Variants in GHRHR observed in about 807,000 individuals in gnomAD.
The protein encoded by GHRHR is growth hormone-releasing hormone receptor.
A neutral mutation model predicts 58.3 loss-of-function variants in GHRHR; 40 were observed. The ratio of observed to expected loss-of-function variants is 0.69; its 90% CI spans 0.53 to 0.89. The LOEUF (loss-of-function observed/expected upper bound fraction) is 0.89. GHRHR is among the 40% of genes least tolerant of loss of function. The probability of loss-of-function intolerance (pLI) is 0.00; values close to 1 mark genes in which losing one functional copy is unlikely to be tolerated. For missense variants in GHRHR, 551 were observed against 541.3 expected, an observed-to-expected ratio of 1.02 and a Z score of -0.18; for synonymous variants, 249 against 216.6, an observed-to-expected ratio of 1.15 and a Z score of -1.31.
At position 30,975,883 on chromosome 7, in the gene GHRHR, T is replaced by G. The variant is rs1792566990; in HGVS notation, c.974+15T>G. On this transcript the variant is annotated intron_variant, in intron 10 of 12. Transcript: ENST00000326139. ...TCTCAGTATTGGTACTGTGTGTTTGTGTCTGGGGATACTGGGAAAGGGTAA... is the reference window on the plus strand; with the variant it reads ...TCTCAGTATTGGTACTGTGTGTTTGGGTCTGGGGATACTGGGAAAGGGTAA... 11 of 1,442,652 alleles carry G rather than the reference T, an allele frequency of 7.6e-6. No homozygotes were observed. In the East Asian group the frequency reaches 2.5e-4, roughly 33 times the overall value. The allele number at this position is 1,442,652 out of a possible 1,614,324, so 89.4% of individuals were successfully genotyped here.
intron 4 of GHRHR, 141 bp from the exon 5 acceptor site, chr7:30,970,978 C>A: frequency 1.4e-6 from 1 of 697,510 alleles, no homozygotes; most frequent in Non-Finnish European, 2.6e-6. Flanking sequence ...GGGAGCTTTC[C>A]ATGGTACTCG....
intron 5 of GHRHR, among the ~76,000 whole-genome samples, chr7:30,971,510 T>C (rs1043327285): frequency 6.6e-6 from 1 of 152,120 alleles, no homozygotes; most frequent in African/African-American, 2.4e-5. Context: ...CATCTGACAG[T>C]CCTCTGCCTC....
At chr7:30,969,261 G>T in intron 3 of GHRHR, 91 bp downstream of exon 3, 1 of 889,596 alleles carries the variant, frequency 1.1e-6, no homozygotes, top group South Asian at 1.4e-5. Context: ...AGGCTAACCT[G>T]GGTTTGTATA....
Position 30,966,566 on chromosome 7 carries a change from G to A in GHRHR, c.58-2268G>A, listed in dbSNP as rs141594471. ...CTAAAAAATGCTCCCTTGTCCCCAG[G>A]TCCAGCTCAAATGCCACCTCCCCAA... On this transcript the variant is annotated intron_variant, in intron 1 of 12. Transcript: ENST00000326139. 4.9e-3 allele frequency among the ~76,000 whole-genome samples: 738 copies of A among 152,020 alleles called. 4 individuals are homozygous for A. The highest frequency in any genetic ancestry group is 0.016 in the African/African-American group (681 of 41,426).
intron 11 of GHRHR, 48 bp downstream of exon 11, chr7:30,976,606 G>A: frequency 6.3e-7 from 1 of 1,584,872 alleles, no homozygotes; most frequent in Non-Finnish European, 8.6e-7. Flanking sequence ...GGTGCTGGAG[G>A]GAGGTGCTGT....
At chr7:30,968,420 A>G (rs1364327547) in intron 1 of GHRHR, among the ~76,000 whole-genome samples, 2 of 152,096 alleles carry the variant, frequency 1.3e-5, no homozygotes, top group South Asian at 4.2e-4. Flanking sequence ...ACTTACTTAC[A>G]TGAGACAGAA....
At chr7:30,975,738 T>G in intron 9 of GHRHR, 39 bp from the exon 10 acceptor site, 1 of 1,234,372 alleles carries the variant, frequency 8.1e-7, no homozygotes, top group Non-Finnish European at 1.2e-6. Context: ...GGCTACCCCC[T>G]GACCCTTGTC....
chr7:30,966,419 G>A (rs1231831467), intron 1 of GHRHR, among the ~76,000 whole-genome samples: 1 of 152,056 alleles, frequency 6.6e-6, no homozygotes, highest in Non-Finnish European at 1.5e-5. Context: ...GGGGGCCATG[G>A]GGAGAGAAAC....
At position 30,976,225 on chromosome 7, in the gene GHRHR, G is replaced by T. The variant is rs36115000; in HGVS notation, c.975-204G>T. Among the ~76,000 whole-genome samples the T allele has an allele frequency of 0.23, 35,720 of 152,022 alleles. 4,376 individuals are homozygous for T. Among genetic ancestry groups the T allele is most frequent in the Non-Finnish European group, 0.26 (17,355 of 67,980 alleles). ...GATGCATAGACTTTGGGATAAACTG[G>T]GGCAATAACAGTTGGTAGGGGAATC... On this transcript the variant is annotated intron_variant, in intron 10 of 12. Transcript: ENST00000326139.
chr7:30,972,170 G>C (rs890432788), intron 6 of GHRHR, 75 bp downstream of exon 6: 1 of 1,539,552 alleles, frequency 6.5e-7, no homozygotes, highest in Admixed American at 1.7e-5. Flanking sequence ...ATGTGCCTGC[G>C]TCAGGCTTCC....
intron 9 of GHRHR, 60 bp downstream of exon 9, chr7:30,975,100 G>C: frequency 3.5e-6 from 4 of 1,158,700 alleles, no homozygotes; most frequent in Non-Finnish European, 5.2e-6. Flanking sequence ...AACTACTGAC[G>C]GGCTGTGCAC....
intron 9 of GHRHR, among the ~76,000 whole-genome samples, chr7:30,975,317 G>C (rs1223907425): frequency 6.6e-6 from 1 of 152,198 alleles, no homozygotes; most frequent in African/African-American, 2.4e-5. Context: ...ACCACAGTGA[G>C]AGACTAGGGG....
rs1792576205 is a variant in GHRHR at position 30,976,014 on chromosome 7, T to C, written c.974+146T>C. 4.4e-6 allele frequency: 3 copies of C among 678,780 alleles called. No individual in the cohort carries two copies. In the African/African-American group the frequency reaches 5.3e-5, roughly 12 times the overall value. 42.0% of individuals were successfully genotyped at this position (678,780 alleles called of 1,614,324 possible). ...CAGAGACAGAATAGACCTGGCCCCTTCCTTCTAGGGGATCACAATATTGGA... is the reference window on the plus strand; with the variant it reads ...CAGAGACAGAATAGACCTGGCCCCTCCCTTCTAGGGGATCACAATATTGGA... On this transcript the variant is annotated intron_variant, in intron 10 of 12. Coordinates refer to ENST00000326139, the MANE Select transcript of GHRHR (RefSeq NM_000823.4).
chr7:30,971,932 T>C (rs774444315), intron 5 of GHRHR, 31 bp from the exon 6 acceptor site: 1 of 1,612,164 alleles, frequency 6.2e-7, no homozygotes, highest in Non-Finnish European at 8.5e-7. Flanking sequence ...CCTGCTTGCT[T>C]CTTGTTCCTC....
At position 30,974,077 on chromosome 7, in the gene GHRHR, C is replaced by T. The variant is rs1792528769; in HGVS notation, c.690C>T (p.Leu230=). The T allele has an allele frequency of 6.2e-7, 1 of 1,614,156 alleles. No homozygotes were observed. Among genetic ancestry groups the T allele is most frequent in the Non-Finnish European group, 8.5e-7 (1 of 1,180,000 alleles). Residue 230 remains leucine, a synonymous_variant, in exon 7 of 13, where the codon CTC becomes CTT. Coordinates refer to ENST00000326139, the MANE Select transcript of GHRHR (RefSeq NM_000823.4). ...LLAEAVYLNC[L]LASTSPSSRR... ...CAGAAGCCGTCTACCTGAACTGCCTCCTGGCCTCCACCTCCCCCAGCTCAA... is the reference window on the plus strand; with the variant it reads ...CAGAAGCCGTCTACCTGAACTGCCTTCTGGCCTCCACCTCCCCCAGCTCAA...
At position 30,977,313 on chromosome 7, in the gene GHRHR, C is replaced by T; in HGVS notation, c.1137C>T (p.Leu379=). The T allele has an allele frequency of 2.5e-6, 4 of 1,614,006 alleles. No homozygotes were observed. Among genetic ancestry groups the T allele is most frequent in the Non-Finnish European group, 3.4e-6 (4 of 1,179,878 alleles). The change falls in exon 12 of 13, where the codon CTC becomes CTT. Residue 379 remains leucine (L), a synonymous_variant. Transcript: ENST00000326139. The part of the protein sequence containing the change: ...GFIVAILYCF[L]NQEVRTEISR... ...TTGTTGCCATCCTCTACTGCTTCCT[C>T]AACCAAGAGGTGTGTGATTTTTGAG...
intron 6 of GHRHR, among the ~76,000 whole-genome samples, chr7:30,972,532 A>G (rs1419669291): frequency 6.6e-6 from 1 of 152,150 alleles, no homozygotes; most frequent in Non-Finnish European, 1.5e-5. Flanking sequence ...GAGAGCTAGG[A>G]GAGAACGAGA....
chr7:30,968,162 C>T (rs1792396074), intron 1 of GHRHR, among the ~76,000 whole-genome samples: 1 of 152,298 alleles, frequency 6.6e-6, no homozygotes, highest in South Asian at 2.1e-4. Flanking sequence ...ATCTCAAGAT[C>T]CTGAACTCAA....
rs1049885467 is a variant in GHRHR, at chr7:30,974,118, G to A, written c.731G>A (p.Trp244Ter). Residue 244 changes from tryptophan to a stop codon, truncating the protein, a stop_gained, in exon 7 of 13, where the codon TGG becomes TAG. Transcript: ENST00000326139. LOFTEE classifies it high-confidence loss of function. ...CCCAGCTCAAGGAGAGCCTTCTGGT[G>A]GCTGGTTCTCGCTGGCTGGGGTGAG... ...TSPSSRRAFW[W>*]LVLAGWGLPV... is the part of the protein sequence containing the mutation. 6.2e-7 allele frequency: 1 copy of A among 1,614,034 alleles called. No homozygotes were observed.
Sources: gnomAD v4.1 joint callset for allele counts (sites outside exome capture counted in the v4.1 genomes callset) on GRCh38, gnomAD v4.1.1 for gene constraint, MANE v1.5 for transcripts, NCBI Gene and HGNC (gene_info 2026-07-23, HGNC 2026-07-21) for gene names.